Variants in CDH13 observed in about 807,000 individuals in gnomAD.
The protein encoded by CDH13 is cadherin-13.
CDH13 carries 24 observed loss-of-function variants against 63.8 expected under a neutral mutation model. That is an observed-to-expected ratio of 0.38 (90% CI 0.27 to 0.53). The LOEUF is 0.53. Among genes scored for constraint, CDH13 ranks in the 20% least tolerant of loss-of-function variants. The pLI is 0.85. For missense variants in CDH13, 1,049 were observed against 903.1 expected (o/e 1.16, Z -2.07); for synonymous variants, 503 against 355.3 (o/e 1.42, Z -4.67).
chr16:83,524,083 A>G (rs573557048), intron 7 of CDH13, among the ~76,000 whole-genome samples: 1 of 152,326 alleles, frequency 6.6e-6, no homozygotes, highest in African/African-American at 2.4e-5. Context: ...AATTAGTGAA[A>G]CAGAACCCCG....
At chr16:83,131,427 T>G (rs1357317141) in intron 4 of CDH13, among the ~76,000 whole-genome samples, 1 of 152,216 alleles carries the variant, frequency 6.6e-6, no homozygotes, top group Non-Finnish European at 1.5e-5. Flanking sequence ...TGACAGTGAG[T>G]GCTCTGGAGA....
intron 1 of CDH13, among the ~76,000 whole-genome samples, chr16:82,664,913 A>G (rs1323316570): frequency 1.3e-5 from 2 of 152,124 alleles, no homozygotes; most frequent in African/African-American, 2.4e-5. Flanking sequence ...ATATATGCAT[A>G]TATATGTGTG....
chr16:82,711,293 G>T (rs1363233536), intron 1 of CDH13, among the ~76,000 whole-genome samples: 1 of 152,042 alleles, frequency 6.6e-6, no homozygotes, highest in South Asian at 2.1e-4. Context: ...ATTCTCTTAA[G>T]GATAGAGTCT....
At chr16:83,409,084 G>T (rs1397972808) in intron 6 of CDH13, among the ~76,000 whole-genome samples, 1 of 152,186 alleles carries the variant, frequency 6.6e-6, no homozygotes, top group Non-Finnish European at 1.5e-5. Flanking sequence ...TTTATTTTGG[G>T]AGGTACAGGA....
chr16:83,504,323 C>A (rs2074349184), intron 7 of CDH13, among the ~76,000 whole-genome samples: 1 of 152,182 alleles, frequency 6.6e-6, no homozygotes, highest in Non-Finnish European at 1.5e-5. Flanking sequence ...GAGGTTCCAA[C>A]CTCACCCTTA....
intron 5 of CDH13, among the ~76,000 whole-genome samples, chr16:83,273,755 A>T (rs557087782): frequency 6.6e-6 from 1 of 152,328 alleles, no homozygotes; most frequent in South Asian, 2.1e-4. Flanking sequence ...GGGCATTTCA[A>T]TACTACATAG....
At chr16:83,741,482 G>T (rs1385309291) in intron 10 of CDH13, among the ~76,000 whole-genome samples, 1 of 30,368 alleles carries the variant, frequency 3.3e-5, no homozygotes, top group Non-Finnish European at 7.8e-5. Context: ...ATATATATGT[G>T]TGTGTGTATA....
intron 4 of CDH13, among the ~76,000 whole-genome samples, chr16:83,194,889 C>T (rs948410473): frequency 6.6e-6 from 1 of 152,122 alleles, no homozygotes; most frequent in African/African-American, 2.4e-5. Flanking sequence ...CTACAATCTC[C>T]TTTTTGTTCA....
intron 6 of CDH13, among the ~76,000 whole-genome samples, chr16:83,348,410 C>G (rs1042883094): frequency 6.6e-6 from 1 of 152,306 alleles, no homozygotes; most frequent in Admixed American, 6.5e-5. Flanking sequence ...AGTGTTGAGG[C>G]CTTTGTCACC....
chr16:82,751,763 T>G (rs2034427366), intron 1 of CDH13, among the ~76,000 whole-genome samples: 1 of 152,176 alleles, frequency 6.6e-6, no homozygotes, highest in South Asian at 2.1e-4. Flanking sequence ...GTTTTCGTTT[T>G]GTACCTAGCT....
chr16:82,687,258 G>A (rs1597324111), intron 1 of CDH13, among the ~76,000 whole-genome samples: 1 of 152,160 alleles, frequency 6.6e-6, no homozygotes. Context: ...AGCACAAGGG[G>A]TAACTAAATC....
intron 3 of CDH13, among the ~76,000 whole-genome samples, chr16:83,065,147 C>G (rs372803295): frequency 6.6e-6 from 1 of 152,158 alleles, no homozygotes; most frequent in South Asian, 2.1e-4. Context: ...CCACTGGCCA[C>G]CTTTGTCTCC....
chr16:83,487,472 G>A (rs749693549), intron 7 of CDH13, among the ~76,000 whole-genome samples: 3 of 152,214 alleles, frequency 2.0e-5, no homozygotes, highest in South Asian at 2.1e-4. Flanking sequence ...CTCCCACCTC[G>A]ATTACGTTTC....
chr16:83,426,239 C>T (rs1264913874), intron 6 of CDH13, among the ~76,000 whole-genome samples: 1 of 152,146 alleles, frequency 6.6e-6, no homozygotes, highest in African/African-American at 2.4e-5. Flanking sequence ...GATTCTAGGG[C>T]TCTGGATTCT....
At chr16:83,615,331 A>G (rs1473909529) in intron 8 of CDH13, among the ~76,000 whole-genome samples, 7 of 152,060 alleles carry the variant, frequency 4.6e-5, no homozygotes, top group African/African-American at 1.4e-4. Flanking sequence ...AGCCAACCAC[A>G]TATTTCTTAG....
chr16:82,977,418 C>T (rs1909666966), intron 2 of CDH13, among the ~76,000 whole-genome samples: 2 of 152,162 alleles, frequency 1.3e-5, no homozygotes, highest in Admixed American at 6.5e-5. Context: ...ATTGTAGTTC[C>T]CATAATCCCC....
At chr16:83,219,776 A>G (rs2039642081) in intron 5 of CDH13, among the ~76,000 whole-genome samples, 1 of 152,200 alleles carries the variant, frequency 6.6e-6, no homozygotes, top group African/African-American at 2.4e-5. Context: ...TTGAGTGCTT[A>G]TAGGGTAAGG....
At chr16:83,726,731 G>C (rs1333500131) in intron 10 of CDH13, among the ~76,000 whole-genome samples, 1 of 152,054 alleles carries the variant, frequency 6.6e-6, no homozygotes, top group African/African-American at 2.4e-5. Context: ...CCAGCTACTC[G>C]CGAGGCTGAG....
At chr16:82,690,889 C>A (rs1308701152) in intron 1 of CDH13, among the ~76,000 whole-genome samples, 1 of 152,100 alleles carries the variant, frequency 6.6e-6, no homozygotes, top group Non-Finnish European at 1.5e-5. Context: ...AGAAGCAGAG[C>A]CAGGGATGAG....
Sources: gnomAD v4.1 joint callset for allele counts (sites outside exome capture counted in the v4.1 genomes callset) on GRCh38, gnomAD v4.1.1 for gene constraint, MANE v1.5 for transcripts, NCBI Gene and HGNC (gene_info 2026-07-23, HGNC 2026-07-21) for gene names.